The following FGF13 variants were observed in gnomAD, a reference collection of about 807,000 sequenced individuals.
FGF13 encodes the protein fibroblast growth factor homologous factor 2.
Under a neutral mutation model 19.5 loss-of-function variants are expected in FGF13, and 2 were observed. The ratio of observed to expected loss-of-function variants is 0.10; its 90% CI spans 0.04 to 0.32. FGF13 has a LOEUF of 0.32. FGF13 is among the 10% of genes least tolerant of loss of function. The pLI, the probability that FGF13 is intolerant of heterozygous loss-of-function variation, is 1.00. For synonymous variants in FGF13, 72 were observed against 76.9 expected (o/e 0.94, Z 0.33); for missense variants, 113 against 192.7 (o/e 0.59, Z 2.45).
At chrX:139,104,166 GATC>G (rs2083539300) in intron 1 of FGF13, among the ~76,000 whole-genome samples, 1 of 111,259 alleles carries the variant, frequency 9.0e-6, no homozygotes, top group Non-Finnish European at 1.9e-5. Context: ...TAGCCATAAT[GATC>G]ATCATTATCA....
chrX:139,003,305 G>A (rs1046329234), intron 1 of FGF13, among the ~76,000 whole-genome samples: 1 of 110,969 alleles, frequency 9.0e-6, no homozygotes, highest in South Asian at 3.9e-4. Flanking sequence ...TTGTGGTCTC[G>A]CTGGGCTCAG....
intron 1 of FGF13, among the ~76,000 whole-genome samples, chrX:138,916,964 G>A (rs1387748308): frequency 8.9e-6 from 1 of 111,794 alleles, no homozygotes; most frequent in Admixed American, 9.5e-5. Flanking sequence ...CGAGTGAAGG[G>A]AAAAGAGGGA....
intron 1 of FGF13, among the ~76,000 whole-genome samples, chrX:138,871,992 A>G: frequency 8.9e-6 from 1 of 112,100 alleles, no homozygotes; most frequent in Non-Finnish European, 1.9e-5. Flanking sequence ...TATGTAGAGA[A>G]CAGACTGCAG....
intron 1 of FGF13, among the ~76,000 whole-genome samples, chrX:139,151,326 G>A (rs1180872899): frequency 2.7e-5 from 3 of 111,628 alleles, no homozygotes; most frequent in Non-Finnish European, 5.6e-5. Flanking sequence ...TCTCTCCATT[G>A]ATCGCCCATT....
intron 1 of FGF13, among the ~76,000 whole-genome samples, chrX:138,725,163 C>T (rs1331158048): frequency 9.0e-6 from 1 of 111,604 alleles, no homozygotes; most frequent in Non-Finnish European, 1.9e-5. Flanking sequence ...CTCAGAGAAC[C>T]ATCTGGTCTG....
intron 3 of FGF13, among the ~76,000 whole-genome samples, chrX:138,643,994 C>T (rs1355068980): frequency 8.9e-6 from 1 of 112,033 alleles, no homozygotes; most frequent in Non-Finnish European, 1.9e-5. Context: ...GTACTGACTT[C>T]AGAGTGGGAT....
chrX:138,932,543 A>T (rs1361039642), intron 1 of FGF13, among the ~76,000 whole-genome samples: 1 of 110,378 alleles, frequency 9.1e-6, no homozygotes, highest in Non-Finnish European at 1.9e-5. Context: ...CAGAGGTTGC[A>T]GTGAGCTGAG....
intron 1 of FGF13, among the ~76,000 whole-genome samples, chrX:139,044,831 C>A (rs2046227803): frequency 8.9e-6 from 1 of 111,778 alleles, no homozygotes; most frequent in Admixed American, 9.4e-5. Flanking sequence ...TTGCAGGATA[C>A]AGCCGACATA....
At position 138,896,672 on chromosome X, in the gene FGF13, A is replaced by G. The variant is rs1246091956; in HGVS notation, c.-112-32022T>C. 4.5e-5 allele frequency among the ~76,000 whole-genome samples: 5 copies of G among 112,110 alleles called. No homozygotes were observed. In the Admixed American group the frequency reaches 4.7e-4, roughly 11 times the overall value. On this transcript the variant is annotated intron_variant, in intron 1 of 2. Coordinates refer to the FGF13 transcript ENST00000421460. The stretch of plus-strand genomic sequence containing the variant: ...TTGAATCTTGGCTGTGCTTTTAGCT[A>G]TGTTAACTTAAGCAGGATGTCTAAC...
chrX:138,724,478 G>C (rs755129608), intron 1 of FGF13, among the ~76,000 whole-genome samples: 1 of 111,858 alleles, frequency 8.9e-6, no homozygotes, highest in Non-Finnish European at 1.9e-5. Flanking sequence ...AGTCCCCCTT[G>C]ACAGAGTCTC....
At chrX:138,995,769 C>T (rs1327839082) in intron 1 of FGF13, among the ~76,000 whole-genome samples, 1 of 112,275 alleles carries the variant, frequency 8.9e-6, no homozygotes, top group African/African-American at 3.2e-5. Context: ...CAATGAACAT[C>T]TGTGTGCATG....
At chrX:138,854,749 A>G (rs921975623), downstream of FGF13, among the ~76,000 whole-genome samples, 2 of 111,674 alleles carry the variant, frequency 1.8e-5, no homozygotes, top group Admixed American at 9.5e-5. Context: ...TTAACATTGC[A>G]TAAAAAAATA....
Position 138,617,579 on chromosome X carries a change from G to GTAAAGAGA in FGF13, c.*15263_*15270dup, listed in dbSNP as rs1456237932. ...TGTAAAAGAACCAAGGATCATCATG[G>GTAAAGAGA]TAAAGAGAATGAACATGAGGTGTGT... On this transcript the variant is annotated 3_prime_UTR_variant, in exon 5 of 5. Coordinates refer to ENST00000315930, the MANE Select transcript of FGF13 (RefSeq NM_004114.5). 1.8e-5 allele frequency: 2 copies of GTAAAGAGA among 111,527 alleles called. No individual in the cohort carries two copies. The highest frequency in any genetic ancestry group is 6.5e-5 in the African/African-American group (2 of 30,747). The allele number at this position is 111,527 out of a possible 1,213,427, so 9.2% of individuals were successfully genotyped here. A position where few individuals can be genotyped will look rare whatever the true frequency, so the allele number is the denominator to read the frequency against.
At chrX:138,971,558 CTT>C (rs765135237) in intron 1 of FGF13, among the ~76,000 whole-genome samples, 1 of 110,962 alleles carries the variant, frequency 9.0e-6, no homozygotes, top group African/African-American at 3.3e-5. Context: ...TTTCTTTTTA[CTT>C]TTGTTTTATT....
intron 1 of FGF13, among the ~76,000 whole-genome samples, chrX:139,082,945 G>T (rs2083380868): frequency 9.0e-6 from 1 of 111,728 alleles, no homozygotes; most frequent in Non-Finnish European, 1.9e-5. Context: ...TAAAAGCAGT[G>T]CTGGGCACTT....
intron 3 of FGF13, among the ~76,000 whole-genome samples, chrX:138,785,410 A>G (rs1602848986): frequency 9.0e-6 from 1 of 111,690 alleles, no homozygotes; most frequent in Middle Eastern, 4.6e-3. Flanking sequence ...GTAGTCTACC[A>G]TCACTATTTT....
At chrX:139,193,526 T>C (rs2084348604) in intron 1 of FGF13, among the ~76,000 whole-genome samples, 2 of 111,169 alleles carry the variant, frequency 1.8e-5, no homozygotes, top group Admixed American at 9.6e-5. Context: ...CCCATGGAGA[T>C]TGCCAGATGG....
intron 1 of FGF13, 83 bp from the exon 2 acceptor site, chrX:138,709,011 C>A: frequency 2.0e-6 from 1 of 497,532 alleles, no homozygotes; most frequent in Non-Finnish European, 3.3e-6. Context: ...TTTCTAATTT[C>A]ATTTACAAAT....
At chrX:138,770,137 T>G (rs1005775132) in intron 3 of FGF13, among the ~76,000 whole-genome samples, 3 of 112,107 alleles carry the variant, frequency 2.7e-5, no homozygotes, top group African/African-American at 9.7e-5. Flanking sequence ...TGCCATGTAT[T>G]CAATCACTTG....
Sources: allele counts gnomAD v4.1 joint callset (sites outside exome capture counted in the v4.1 genomes callset), GRCh38; gene constraint gnomAD v4.1.1; transcripts MANE v1.5; gene names NCBI Gene and HGNC (gene_info 2026-07-23, HGNC 2026-07-21).